RBL1: variants seen among roughly 807,000 people sequenced by gnomAD.
The protein encoded by RBL1 is retinoblastoma-like protein 1.
A neutral mutation model predicts 123.0 loss-of-function variants in RBL1; 82 were observed. The observed-to-expected ratio is 0.67, with a 90% CI of 0.56 to 0.80. RBL1 has a LOEUF of 0.80. Ranked by LOEUF, RBL1 falls within the 30% of genes least tolerant of loss-of-function variation. The pLI is 0.00. For missense variants in RBL1, 1,171 were observed against 1,299.6 expected (o/e 0.90, Z 1.52); for synonymous variants, 405 against 441.3 (o/e 0.92, Z 1.03).
chr20:37,035,176 T>C, intron 15 of RBL1, 66 bp downstream of exon 15: 1 of 1,406,226 alleles, frequency 7.1e-7, no homozygotes, highest in Non-Finnish European at 9.7e-7. Flanking sequence ...TGTGATCTAA[T>C]CCACTAAGAC....
intron 7 of RBL1, 56 bp downstream of exon 7, chr20:37,065,360 TTCAACAAA>T (rs2065161451): frequency 3.2e-6 from 4 of 1,267,430 alleles, no homozygotes; most frequent in Non-Finnish European, 4.4e-6. Context: ...CTTAACAAAT[TTCAACAAA>T]TCAACAAATA....
intron 19 of RBL1, among the ~76,000 whole-genome samples, chr20:37,011,433 A>ATTTTTTT (rs5841248): frequency 7.4e-6 from 1 of 135,734 alleles, no homozygotes; most frequent in Admixed American, 7.7e-5. Context: ...CAAGGTCAGA[A>ATTTTTTT]TTTTTTTTTT....
intron 11 of RBL1, among the ~76,000 whole-genome samples, chr20:37,052,403 C>T (rs536907162): frequency 8.5e-4 from 129 of 151,476 alleles, no homozygotes; most frequent in African/African-American, 2.9e-3. Context: ...GTGATCTCGG[C>T]TCACTGCAAC....
chr20:37,044,742 A>T (rs1002493873), intron 12 of RBL1, among the ~76,000 whole-genome samples: 1 of 152,208 alleles, frequency 6.6e-6, no homozygotes, highest in Non-Finnish European at 1.5e-5. Flanking sequence ...AAGTTCTTTA[A>T]AATATGTTCA....
At chr20:37,035,077 C>G (rs1381125408) in intron 15 of RBL1, among the ~76,000 whole-genome samples, 165 bp downstream of exon 15, 1 of 151,496 alleles carries the variant, frequency 6.6e-6, no homozygotes, top group Non-Finnish European at 1.5e-5. Context: ...CTGAATTTTG[C>G]TGTGAATCTA....
chr20:37,053,823 C>G (rs1280048750), intron 11 of RBL1, among the ~76,000 whole-genome samples: 3 of 152,000 alleles, frequency 2.0e-5, no homozygotes, highest in Non-Finnish European at 4.4e-5. Flanking sequence ...AGAACATTCA[C>G]CATGATAAAA....
intron 12 of RBL1, among the ~76,000 whole-genome samples, chr20:37,044,666 C>G (rs1404018329): frequency 1.3e-5 from 2 of 152,108 alleles, no homozygotes; most frequent in Non-Finnish European, 2.9e-5. Flanking sequence ...TGGCACAGAA[C>G]CAAAGTCATC....
At chr20:37,037,835 T>G (rs1371846686) in intron 14 of RBL1, among the ~76,000 whole-genome samples, 1 of 151,886 alleles carries the variant, frequency 6.6e-6, no homozygotes, top group East Asian at 1.9e-4. Context: ...TATAGGCGCA[T>G]GCTGCCATGC....
chr20:37,081,350 T>C (rs763075521), intron 2 of RBL1, among the ~76,000 whole-genome samples: 4 of 152,150 alleles, frequency 2.6e-5, no homozygotes, highest in Non-Finnish European at 4.4e-5. Flanking sequence ...AAAGTAAACC[T>C]TGGCTGGTGC....
intron 6 of RBL1, among the ~76,000 whole-genome samples, 173 bp from the exon 7 acceptor site, chr20:37,065,646 T>TA (rs1262086141): frequency 6.7e-6 from 1 of 149,064 alleles, no homozygotes; most frequent in Admixed American, 6.8e-5. Flanking sequence ...CTTTTTTTTT[T>TA]AACTTTTTTT....
chr20:37,065,799 A>C (rs1248423886), intron 6 of RBL1, among the ~76,000 whole-genome samples: 1 of 152,066 alleles, frequency 6.6e-6, no homozygotes, highest in African/African-American at 2.4e-5. Context: ...TTGTTTGTAG[A>C]GACAAGGTTT....
intron 18 of RBL1, 23 bp downstream of exon 18, chr20:37,020,636 G>A (rs1368251885): frequency 1.3e-6 from 2 of 1,482,912 alleles, no homozygotes; most frequent in South Asian, 2.5e-5. Flanking sequence ...TTTTTGGACA[G>A]TAGGAAAAAT....
intron 13 of RBL1, among the ~76,000 whole-genome samples, chr20:37,042,437 G>A (rs188937696): frequency 3.3e-5 from 5 of 152,244 alleles, no homozygotes; most frequent in African/African-American, 9.6e-5. Flanking sequence ...TACATTGACC[G>A]TAGGAACAAT....
At chr20:37,092,552 G>T (rs112921089) in intron 1 of RBL1, among the ~76,000 whole-genome samples, 1 of 152,082 alleles carries the variant, frequency 6.6e-6, no homozygotes, top group Non-Finnish European at 1.5e-5. Context: ...TAGAGATGGG[G>T]TTTCACCATA....
At position 37,095,763 on chromosome 20, in the gene RBL1, T is replaced by C. The variant is rs757913494; in HGVS notation, c.156+10A>G. The C allele has an allele frequency of 3.8e-6, 6 of 1,578,910 alleles. No homozygotes were observed. The highest frequency in any genetic ancestry group is 5.2e-6 in the Non-Finnish European group (6 of 1,157,680). On this transcript the variant is annotated intron_variant, in intron 1 of 21. Transcript: ENST00000373664. ...GGTAGGGTCCGGCCGCCCCACCTGCTGCCGCTCACCTCTAGGCTGTAGTTG... is the reference window on the plus strand; with the variant it reads ...GGTAGGGTCCGGCCGCCCCACCTGCCGCCGCTCACCTCTAGGCTGTAGTTG...
At chr20:37,092,593 C>G (rs1312882817) in intron 1 of RBL1, among the ~76,000 whole-genome samples, 2 of 152,182 alleles carry the variant, frequency 1.3e-5, no homozygotes, top group African/African-American at 4.8e-5. Flanking sequence ...CTCCTGGGCT[C>G]AAGTGATCCA....
intron 11 of RBL1, among the ~76,000 whole-genome samples, chr20:37,053,363 T>C (rs988003870): frequency 1.3e-5 from 2 of 152,202 alleles, no homozygotes; most frequent in African/African-American, 4.8e-5. Flanking sequence ...CTGGGTACTC[T>C]GGTTTCTTCT....
intron 19 of RBL1, among the ~76,000 whole-genome samples, chr20:37,012,050 A>G (rs2064157883): frequency 6.6e-6 from 1 of 152,108 alleles, no homozygotes; most frequent in Non-Finnish European, 1.5e-5. Flanking sequence ...TTTTTGGTGG[A>G]GACGGGGTTT....
chr20:37,045,915 T>C (rs1248500041), intron 12 of RBL1, among the ~76,000 whole-genome samples: 1 of 152,240 alleles, frequency 6.6e-6, no homozygotes, highest in Non-Finnish European at 1.5e-5. Context: ...TGACTAAATA[T>C]TAACTAAATC....
Sources: gnomAD v4.1 joint callset for allele counts (sites outside exome capture counted in the v4.1 genomes callset) on GRCh38, gnomAD v4.1.1 for gene constraint, MANE v1.5 for transcripts, NCBI Gene and HGNC (gene_info 2026-07-23, HGNC 2026-07-21) for gene names.